The following PTPRN2 variants were observed in gnomAD, a reference collection of about 807,000 sequenced individuals.
PTPRN2 encodes protein tyrosine phosphatase receptor type N2.
In PTPRN2, 74 loss-of-function variants were observed where a neutral mutation model predicts 118.8. The observed-to-expected ratio is 0.62, with a 90% CI of 0.52 to 0.76. The LOEUF is 0.76. Among genes scored for constraint, PTPRN2 ranks in the 30% least tolerant of loss-of-function variants. The pLI is 0.00. For synonymous variants in PTPRN2, 641 were observed against 608.0 expected (o/e 1.05, Z -0.80); for missense variants, 1,481 against 1,394.4 (o/e 1.06, Z -0.99).
chr7:158,407,172 C>CGTCCTGGGTCCTGGGTCCTGGGTCCTGG (rs1563254312), intron 2 of PTPRN2, among the ~76,000 whole-genome samples: 1 of 45,172 alleles, frequency 2.2e-5, no homozygotes, highest in African/African-American at 8.5e-5. Context: ...CTGGGTCCTG[C>CGTCCTGGGTCCTGGGTCCTGGGTCCTGG]GTCCTGCGTC....
chr7:157,540,810 T>C, intron 22 of PTPRN2, 25 bp from the exon 23 acceptor site: 1 of 1,539,894 alleles, frequency 6.5e-7, no homozygotes, highest in Admixed American at 1.9e-5. Flanking sequence ...ACGAGAGAAG[T>C]GCCAATGAGA....
At chr7:158,366,447 ACACACC>A in intron 2 of PTPRN2, among the ~76,000 whole-genome samples, 1 of 151,686 alleles carries the variant, frequency 6.6e-6, no homozygotes, top group African/African-American at 2.4e-5. Flanking sequence ...GCACACGCAC[ACACACC>A]CACACACCCA....
rs1318753116 is a variant in PTPRN2 at position 157,690,081 on chromosome 7, G to A, written c.1789-7144C>T. Among the ~76,000 whole-genome samples, 1 of 152,234 alleles carries A rather than the reference G, an allele frequency of 6.6e-6. No individual in the cohort carries two copies. The highest frequency in any genetic ancestry group is 1.9e-4 in the East Asian group (1 of 5,182). On this transcript the variant is annotated intron_variant, in intron 12 of 22. Coordinates refer to ENST00000389418, the MANE Select transcript of PTPRN2 (RefSeq NM_002847.5). The surrounding 1 kb of genome is among the most constrained non-coding windows in gnomAD (Gnocchi z 7.1). ...TGGTCGGAACTGCAGGGAGTGGGGA[G>A]CAACGCGAAAGGCCGAGAGAAGAGC...
At chr7:157,809,650 G>C (rs79584850) in intron 12 of PTPRN2, among the ~76,000 whole-genome samples, 4 of 152,100 alleles carry the variant, frequency 2.6e-5, no homozygotes, top group Admixed American at 2.6e-4. Flanking sequence ...GGACGGAGAC[G>C]GAACGGAGTG....
intron 12 of PTPRN2, among the ~76,000 whole-genome samples, chr7:157,766,759 T>C (rs1802511296): frequency 2.6e-5 from 4 of 152,214 alleles, no homozygotes; most frequent in African/African-American, 7.2e-5. Flanking sequence ...GGACAGGACA[T>C]TGAAATCTCA....
chr7:158,094,122 G>A (rs1273589909), intron 10 of PTPRN2, among the ~76,000 whole-genome samples: 1 of 152,148 alleles, frequency 6.6e-6, no homozygotes, highest in African/African-American at 2.4e-5. Flanking sequence ...TTGAACTTTA[G>A]AAGCATTTGC....
chr7:158,005,727 AGG>A (rs1000609372), intron 11 of PTPRN2, among the ~76,000 whole-genome samples: 1 of 152,192 alleles, frequency 6.6e-6, no homozygotes, highest in African/African-American at 2.4e-5. Flanking sequence ...GTGGCCCACG[AGG>A]GGTTCTCCCC....
intron 1 of PTPRN2, among the ~76,000 whole-genome samples, chr7:158,560,570 C>T (rs1382037579): frequency 3.3e-5 from 5 of 152,270 alleles, no homozygotes; most frequent in Admixed American, 1.3e-4. Flanking sequence ...TTGCGCTCCG[C>T]GCGCAGGACT....
intron 6 of PTPRN2, among the ~76,000 whole-genome samples, chr7:158,144,753 T>C (rs1236764697): frequency 6.6e-6 from 1 of 152,166 alleles, no homozygotes; most frequent in African/African-American, 2.4e-5. Context: ...GAGGCTGCGG[T>C]CTGTGTTTCT....
intron 2 of PTPRN2, among the ~76,000 whole-genome samples, chr7:158,366,978 T>C (rs1809584886): frequency 6.6e-6 from 1 of 152,194 alleles, no homozygotes; most frequent in South Asian, 2.1e-4. Context: ...GCCGCTCCCG[T>C]GCACCCAGGA....
chr7:158,324,041 A>ACACG (rs61083452), intron 2 of PTPRN2, among the ~76,000 whole-genome samples: 1 of 151,874 alleles, frequency 6.6e-6, no homozygotes, highest in Admixed American at 6.6e-5. Context: ...GAGCACGTAC[A>ACACG]CACACATTTG....
At chr7:158,468,620 C>G (rs1005843668) in intron 2 of PTPRN2, among the ~76,000 whole-genome samples, 1 of 152,212 alleles carries the variant, frequency 6.6e-6, no homozygotes, top group Non-Finnish European at 1.5e-5. Flanking sequence ...CGTAAGAAAT[C>G]CAACGTGCAC....
intron 6 of PTPRN2, among the ~76,000 whole-genome samples, chr7:158,144,873 C>G (rs112500572): frequency 1.8e-4 from 27 of 152,326 alleles, no homozygotes; most frequent in African/African-American, 5.3e-4. Flanking sequence ...CTCTCAAACC[C>G]ACACAGAGGC....
intron 11 of PTPRN2, among the ~76,000 whole-genome samples, chr7:157,957,289 T>C (rs1350979104): frequency 6.6e-6 from 1 of 152,182 alleles, no homozygotes; most frequent in Non-Finnish European, 1.5e-5. Flanking sequence ...GCATCCTAAC[T>C]GTGAGCTTAG....
rs879062658 is a variant in PTPRN2, at chr7:157,852,609, G to C, written c.1788+46064C>G. Among the ~76,000 whole-genome samples the C allele has an allele frequency of 4.6e-5, 7 of 152,092 alleles. No individual in the cohort carries two copies. In the South Asian group the frequency reaches 8.3e-4, roughly 18 times the overall value. On this transcript the variant is annotated intron_variant, in intron 12 of 22. Coordinates refer to ENST00000389418, the MANE Select transcript of PTPRN2 (RefSeq NM_002847.5). Reference sequence around the variant, plus strand: ...ACACTGGCCGGGTGCGGTGGCTCACGCCTGTAATCCCAGCACTTTGGGAGG... The same window carrying C: ...ACACTGGCCGGGTGCGGTGGCTCACCCCTGTAATCCCAGCACTTTGGGAGG...
chr7:157,614,214 G>GC, intron 15 of PTPRN2: 1 of 431,840 alleles, frequency 2.3e-6, no homozygotes, highest in Non-Finnish European at 4.8e-6. Context: ...GAAGTCTGTG[G>GC]CCCGTGGCAA....
At chr7:158,395,632 G>C in intron 2 of PTPRN2, among the ~76,000 whole-genome samples, 1 of 114,102 alleles carries the variant, frequency 8.8e-6, no homozygotes, top group African/African-American at 3.4e-5. Flanking sequence ...GGGGCGAGGG[G>C]CCAGGGGCGA....
At chr7:158,276,920 T>C (rs372537095) in intron 3 of PTPRN2, among the ~76,000 whole-genome samples, 15 of 152,220 alleles carry the variant, frequency 9.9e-5, no homozygotes, top group Non-Finnish European at 1.5e-5. Context: ...GTGCTGTCTA[T>C]CAGCTCTGGA....
At chr7:158,059,432 C>T (rs1375730857) in intron 11 of PTPRN2, among the ~76,000 whole-genome samples, 89 of 121,394 alleles carry the variant, frequency 7.3e-4, no homozygotes, top group Non-Finnish European at 1.0e-3. Flanking sequence ...CATCTGCCCA[C>T]GGTGAGACAT....
Sources: gnomAD v4.1 joint callset for allele counts (sites outside exome capture counted in the v4.1 genomes callset) on GRCh38, gnomAD v4.1.1 for gene constraint, Gnocchi (gnomAD v3.1) non-coding constraint, MANE v1.5 for transcripts, NCBI Gene and HGNC (gene_info 2026-07-23, HGNC 2026-07-21) for gene names.